The following ULK4 variants were observed in gnomAD, a reference collection of about 807,000 sequenced individuals.
The protein encoded by ULK4 is unc-51 like kinase 4, also known as inactive serine/threonine-protein kinase ULK4.
A neutral mutation model predicts 160.6 loss-of-function variants in ULK4; 133 were observed. The observed-to-expected ratio is 0.83, with a 90% CI of 0.72 to 0.96. ULK4 has a LOEUF of 0.96. ULK4 is among the 40% of genes least tolerant of loss of function. The probability of loss-of-function intolerance (pLI) is 0.00; values close to 1 mark genes in which losing one functional copy is unlikely to be tolerated. For missense variants in ULK4, 1,580 were observed against 1,499.5 expected (o/e 1.05, Z -0.89); for synonymous variants, 534 against 539.8 (o/e 0.99, Z 0.15).
intron 22 of ULK4, among the ~76,000 whole-genome samples, chr3:41,737,184 A>AT (rs2038083910): frequency 6.6e-6 from 1 of 151,974 alleles, no homozygotes; most frequent in Non-Finnish European, 1.5e-5. Context: ...TACAAAATCA[A>AT]TGTGCAAAAA....
intron 33 of ULK4, among the ~76,000 whole-genome samples, chr3:41,458,657 T>C (rs1471022397): frequency 6.6e-6 from 1 of 152,126 alleles, no homozygotes; most frequent in Non-Finnish European, 1.5e-5. Context: ...TACACAAATC[T>C]AGCACACAGA....
intron 19 of ULK4, among the ~76,000 whole-genome samples, chr3:41,803,802 A>G (rs1317642288): frequency 1.3e-5 from 2 of 152,162 alleles, no homozygotes; most frequent in Non-Finnish European, 2.9e-5. Context: ...ATGTCCCTAC[A>G]AAGGACATGA....
At chr3:41,726,796 GTTTA>G (rs1367759814) in intron 22 of ULK4, among the ~76,000 whole-genome samples, 6 of 152,076 alleles carry the variant, frequency 3.9e-5, no homozygotes, top group Non-Finnish European at 8.8e-5. Flanking sequence ...TTTTTGTTTT[GTTTA>G]TTTGTTTCAT....
intron 21 of ULK4, among the ~76,000 whole-genome samples, chr3:41,771,383 T>A (rs1661619722): frequency 6.6e-6 from 1 of 152,130 alleles, no homozygotes; most frequent in East Asian, 1.9e-4. Context: ...GTTTTTGTAA[T>A]CAAATACATT....
chr3:41,596,783 T>C (rs9941986), intron 31 of ULK4, among the ~76,000 whole-genome samples: 66,930 of 151,962 alleles, frequency 0.44, 17,742 homozygotes, highest in African/African-American at 0.75. Flanking sequence ...GTGGCCAAAG[T>C]GCAGGATGGA....
At chr3:41,909,838 A>G (rs1213762216) in intron 11 of ULK4, among the ~76,000 whole-genome samples, 1 of 152,244 alleles carries the variant, frequency 6.6e-6, no homozygotes, top group East Asian at 1.9e-4. Context: ...CTATTTCATG[A>G]AATAAAACTA....
At position 41,705,363 on chromosome 3, in the gene ULK4, T is replaced by C. The variant is rs1226337522; in HGVS notation, c.2635-58A>G. The C allele has an allele frequency of 5.0e-6, 7 of 1,388,574 alleles. No individual in the cohort carries two copies. In the African/African-American group the frequency reaches 7.3e-5, roughly 14 times the overall value. 86.0% of individuals were successfully genotyped at this position (1,388,574 alleles called of 1,614,324 possible). On this transcript the variant is annotated intron_variant, in intron 25 of 36. Coordinates refer to ENST00000301831, the MANE Select transcript of ULK4 (RefSeq NM_017886.4). Reference sequence around the variant, plus strand: ...TTCAAAGTAACTCTGAAATAAAATATAGGTAGTTTACATTTTGCCCAAAAC... The same window carrying C: ...TTCAAAGTAACTCTGAAATAAAATACAGGTAGTTTACATTTTGCCCAAAAC...
chr3:41,702,316 T>A (rs897338142), intron 27 of ULK4, among the ~76,000 whole-genome samples: 4 of 152,160 alleles, frequency 2.6e-5, no homozygotes, highest in African/African-American at 9.7e-5. Flanking sequence ...AGCTAACTTT[T>A]GCATTTTTAG....
intron 13 of ULK4, 39 bp downstream of exon 13, chr3:41,900,686 T>C (rs1332864439): frequency 6.8e-7 from 1 of 1,475,428 alleles, no homozygotes; most frequent in East Asian, 2.3e-5. Context: ...CAGATCTCAG[T>C]AAAGTCTACA....
At chr3:41,644,317 T>G (rs201101889) in intron 30 of ULK4, among the ~76,000 whole-genome samples, 2 of 151,588 alleles carry the variant, frequency 1.3e-5, no homozygotes, top group East Asian at 3.9e-4. Flanking sequence ...CAGTATGATA[T>G]TGGCTGTGGG....
At chr3:41,738,157 C>CT (rs1216650616) in intron 22 of ULK4, among the ~76,000 whole-genome samples, 2 of 151,930 alleles carry the variant, frequency 1.3e-5, no homozygotes, top group Non-Finnish European at 2.9e-5. Context: ...TAAAAATAGT[C>CT]TATTTGGCCT....
At chr3:41,907,041 G>A (rs1297357204) in intron 12 of ULK4, among the ~76,000 whole-genome samples, 1 of 152,092 alleles carries the variant, frequency 6.6e-6, no homozygotes, top group African/African-American at 2.4e-5. Context: ...GAAAAAGCTA[G>A]TAACGAAAGA....
chr3:41,951,110 A>C (rs1700278921), intron 2 of ULK4, among the ~76,000 whole-genome samples: 1 of 130,394 alleles, frequency 7.7e-6, no homozygotes, highest in African/African-American at 2.9e-5. Context: ...GTGTCACTGC[A>C]CTCCAGCCTG....
intron 22 of ULK4, among the ~76,000 whole-genome samples, chr3:41,742,907 C>T (rs1175449049): frequency 6.6e-6 from 1 of 151,424 alleles, no homozygotes; most frequent in Non-Finnish European, 1.5e-5. Flanking sequence ...ATAAATTAAA[C>T]TTATGAAATC....
At chr3:41,650,340 A>G (rs1014347877) in intron 30 of ULK4, among the ~76,000 whole-genome samples, 1 of 152,164 alleles carries the variant, frequency 6.6e-6, no homozygotes, top group African/African-American at 2.4e-5. Context: ...CAAGAAGGAG[A>G]GAAGAGCTGC....
intron 32 of ULK4, among the ~76,000 whole-genome samples, chr3:41,513,408 T>C (rs1303337436): frequency 2.6e-5 from 4 of 152,182 alleles, no homozygotes; most frequent in South Asian, 2.1e-4. Context: ...GAGGCCAAGG[T>C]AGGCGGATCA....
At chr3:41,929,033 T>C (rs758014427) in intron 5 of ULK4, among the ~76,000 whole-genome samples, 53 of 151,008 alleles carry the variant, frequency 3.5e-4, no homozygotes, top group Non-Finnish European at 6.7e-4. Context: ...GACGGAGATA[T>C]TAAAAAAAAA....
At chr3:41,428,734 C>T (rs1176201372) in intron 34 of ULK4, among the ~76,000 whole-genome samples, 4 of 152,120 alleles carry the variant, frequency 2.6e-5, no homozygotes, top group Non-Finnish European at 5.9e-5. Flanking sequence ...AAAATTGAAA[C>T]TGGACCCCTT....
intron 31 of ULK4, among the ~76,000 whole-genome samples, chr3:41,579,557 G>C (rs1040086421): frequency 1.4e-5 from 2 of 138,862 alleles, no homozygotes; most frequent in Non-Finnish European, 3.0e-5. Flanking sequence ...GCAGTGGCGC[G>C]ATCTCGACTC....
Sources: allele counts gnomAD v4.1 joint callset (sites outside exome capture counted in the v4.1 genomes callset), GRCh38; gene constraint gnomAD v4.1.1; transcripts MANE v1.5; gene names NCBI Gene and HGNC (gene_info 2026-07-23, HGNC 2026-07-21).